MXRA5: variants seen among roughly 807,000 people sequenced by gnomAD.
The protein encoded by MXRA5 is matrix remodeling associated 5.
Under a neutral mutation model 112.5 loss-of-function variants are expected in MXRA5, and 41 were observed. That is an observed-to-expected ratio of 0.36 (90% CI 0.28 to 0.47). The LOEUF (loss-of-function observed/expected upper bound fraction) is 0.47, where lower values mean the gene tolerates loss of function less well. MXRA5 is among the 20% of genes least tolerant of loss of function. The probability of loss-of-function intolerance (pLI) is 0.99; values close to 1 mark genes in which losing one functional copy is unlikely to be tolerated. For synonymous variants in MXRA5, 862 were observed against 900.8 expected (o/e 0.96, Z 0.77); for missense variants, 2,150 against 2,251.0 (o/e 0.96, Z 0.91).
At chrX:3,346,243 G>A (rs1422980420) in intron 1 of MXRA5, among the ~76,000 whole-genome samples, 2 of 111,923 alleles carry the variant, frequency 1.8e-5, no homozygotes, top group African/African-American at 6.5e-5. Flanking sequence ...GGGAGGAAAG[G>A]AGGCATGGGA....
At position 3,323,139 on chromosome X, in the gene MXRA5, C is replaced by T; in HGVS notation, c.2546G>A (p.Gly849Asp). The change falls in exon 5 of 7, where the codon GGT becomes GAT. Residue 849 changes from glycine (G) to aspartate (D), a missense_variant. Transcript: ENST00000217939. The part of the protein sequence containing the change: ...EESSADVPLL[G>D]EEEHVLGTIS... ...GGTACCCAAAACGTGCTCTTCTTCACCAAGTAGAGGTACATCTGCTGAGGA... is the reference window on the plus strand; with the variant it reads ...GGTACCCAAAACGTGCTCTTCTTCATCAAGTAGAGGTACATCTGCTGAGGA... 1.7e-6 allele frequency: 2 copies of T among 1,211,174 alleles called. No homozygotes were observed. Among genetic ancestry groups the T allele is most frequent in the Non-Finnish European group, 2.2e-6 (2 of 895,112 alleles).
rs1049041476 is a variant in MXRA5, at chrX:3,317,329, C to T, written c.6352G>A (p.Gly2118Arg). ...YIRNLAPKDSGRYECVAANLV... is the reference protein window; with the variant it reads ...YIRNLAPKDSRRYECVAANLV... ...TTGGCGGCCACGCACTCATAGCGCC[C>T]GCTGTCCTTGGGCGCGAGGTTGCGG... The change falls in exon 6 of 7, where the codon GGG becomes AGG. Residue 2118 changes from glycine (G) to arginine (R), a missense_variant. Transcript: ENST00000217939. 8.3e-7 allele frequency: 1 copy of T among 1,207,234 alleles called. No homozygotes were observed. Among genetic ancestry groups the T allele is most frequent in the Non-Finnish European group, 1.1e-6 (1 of 893,514 alleles).
At chrX:3,332,615 A>G (rs1183158680) in intron 2 of MXRA5, among the ~76,000 whole-genome samples, 2 of 112,556 alleles carry the variant, frequency 1.8e-5, no homozygotes, top group Non-Finnish European at 3.8e-5. Context: ...CACCTTATTG[A>G]AATAATGTTG....
chrX:3,333,302 C>CAAAAAAAAAAAAAAAAAA (rs386416494), intron 2 of MXRA5, among the ~76,000 whole-genome samples: 11 of 14,812 alleles, frequency 7.4e-4, no homozygotes, highest in Non-Finnish European at 1.0e-3. Flanking sequence ...TACCCCATAT[C>CAAAAAAAAAAAAAAAAAA]AAAAAAAAAA....
In MXRA5 at chrX:3,320,300, G is replaced by A. The variant is rs1921261794; in HGVS notation, c.5385C>T (p.Thr1795=). The change falls in exon 5 of 7, where the codon ACC becomes ACT. Residue 1795 remains threonine, a synonymous_variant. Coordinates refer to ENST00000217939, the MANE Select transcript of MXRA5 (RefSeq NM_015419.4). ...GTAAGTTAGTTGAGGGTGATCCCGT[G>A]GTCTGCGGAGTGTGCAACAACGGAG... ...PAPPLLHTPQ[T]TGSPSTNLQN... is the part of the protein sequence containing the mutation. 2.5e-6 allele frequency: 3 copies of A among 1,211,636 alleles called. No individual in the cohort carries two copies. The South Asian group carries it at 5.3e-5, about 21-fold the overall frequency.
chrX:3,340,967 TATGTATAATAGATATATATTATATATC>T (rs1424881822), intron 2 of MXRA5, among the ~76,000 whole-genome samples: 1 of 83,196 alleles, frequency 1.2e-5, no homozygotes, highest in African/African-American at 4.6e-5. Flanking sequence ...AGATATATAT[TATGTATAATAGATATATATTATATATC>T]ATGTATAATA....
In MXRA5 at chrX:3,320,847, A is replaced by T; in HGVS notation, c.4838T>A (p.Ile1613Asn). 8.3e-7 allele frequency: 1 copy of T among 1,211,594 alleles called. No individual in the cohort carries two copies. The highest frequency in any genetic ancestry group is 1.1e-6 in the Non-Finnish European group (1 of 895,457). Residue 1613 changes from isoleucine to asparagine, a missense_variant, in exon 5 of 7, where the codon ATC (isoleucine) becomes AAC (asparagine). By Grantham distance (149) the Ile-to-Asn change is moderately radical (BLOSUM62 -3). Coordinates refer to ENST00000217939, the MANE Select transcript of MXRA5 (RefSeq NM_015419.4). ...HQLTRVPAKP[I>N]LPTATVRLPE... ...CAGCCTCACTGTTGCTGTTGGTAGG[A>T]TGGGTTTGGCAGGGACTCTGGTTAG...
In MXRA5 at chrX:3,309,685, G is replaced by A; in HGVS notation, c.*31C>T. On this transcript the variant is annotated 3_prime_UTR_variant, in exon 7 of 7. Coordinates refer to ENST00000217939, the MANE Select transcript of MXRA5 (RefSeq NM_015419.4). ...CCTTACAAACCCCGCTTTGTTGTCA[G>A]TTCCTAAGCAATCATTCTGGAATCC... The A allele has an allele frequency of 8.5e-7, 1 of 1,172,233 alleles. No homozygotes were observed. Among genetic ancestry groups the A allele is most frequent in the Non-Finnish European group, 1.2e-6 (1 of 866,548 alleles).
intron 1 of MXRA5, among the ~76,000 whole-genome samples, chrX:3,344,271 A>G (rs778808261): frequency 6.3e-5 from 7 of 111,890 alleles, no homozygotes; most frequent in Middle Eastern, 4.7e-3. Flanking sequence ...GCCATTATAT[A>G]TTGCATATAT....
chrX:3,341,049 A>G (rs866306052), intron 2 of MXRA5, among the ~76,000 whole-genome samples: 2 of 32,994 alleles, frequency 6.1e-5, no homozygotes, highest in Admixed American at 4.3e-4. Flanking sequence ...TATTGTGTAT[A>G]ATATATATTA....
rs777196553 is a variant in MXRA5 at position 3,320,825 on chromosome X, C to A, written c.4860G>T (p.Arg1620Ser). Residue 1620 changes from arginine (R) to serine (S), a missense_variant, in exon 5 of 7, where the codon AGG (arginine) becomes AGT (serine). By Grantham distance (110) the Arg-to-Ser change is moderately radical (BLOSUM62 -1). This residue lies in a region of MXRA5 where 1,485 missense variants were observed against 1,471.6 expected (regional missense o/e 1.01). Coordinates refer to ENST00000217939, the MANE Select transcript of MXRA5 (RefSeq NM_015419.4). ...AKPILPTATV[R>S]LPEMSTQSAS... ...CGCTTTGTGTGGACATTTCAGGCAG[C>A]CTCACTGTTGCTGTTGGTAGGATGG... is the stretch of plus-strand genomic sequence containing the variant. 2 of 1,211,776 alleles carry A rather than the reference C, an allele frequency of 1.7e-6. No homozygotes were observed. Among genetic ancestry groups the A allele is most frequent in the Non-Finnish European group, 2.2e-6 (2 of 895,556 alleles).
chrX:3,315,372 G>GATAGATGA (rs1234112267), intron 6 of MXRA5, among the ~76,000 whole-genome samples: 22 of 29,569 alleles, frequency 7.4e-4, no homozygotes, highest in Middle Eastern at 0.018. Context: ...TAGATAGATA[G>GATAGATGA]AATAGATAGA....
Position 3,339,743 on chromosome X carries a change from CAG to C in MXRA5, c.188+3901_188+3902del, listed in dbSNP as rs1272757474. Among the ~76,000 whole-genome samples, 3 of 111,706 alleles carry C rather than the reference CAG, an allele frequency of 2.7e-5. No individual in the cohort carries two copies. The Admixed American group carries it at 2.9e-4, about 11-fold the overall frequency. On this transcript the variant is annotated intron_variant, in intron 2 of 6. Coordinates refer to ENST00000217939, the MANE Select transcript of MXRA5 (RefSeq NM_015419.4). ...CTTCTTGCATCCTTCTAAAAATCAG[CAG>C]AGTCTGGGAAATTAGCACGACACTC... is the stretch of plus-strand genomic sequence containing the variant.
intron 6 of MXRA5, among the ~76,000 whole-genome samples, chrX:3,313,159 C>T (rs1451299844): frequency 8.9e-6 from 1 of 112,624 alleles, no homozygotes; most frequent in Non-Finnish European, 1.9e-5. Context: ...ACAGTGACCC[C>T]TAGCCCAGTT....
At chrX:3,313,775 A>C (rs904601237) in intron 6 of MXRA5, among the ~76,000 whole-genome samples, 4 of 112,337 alleles carry the variant, frequency 3.6e-5, no homozygotes, top group African/African-American at 1.3e-4. Context: ...TTATCCATTC[A>C]AAATTGCCTC....
At position 3,339,636 on chromosome X, in the gene MXRA5, T is replaced by A. The variant is rs962194862; in HGVS notation, c.188+4010A>T. On this transcript the variant is annotated intron_variant, in intron 2 of 6. Transcript: ENST00000217939. The stretch of plus-strand genomic sequence containing the variant: ...ATGCCAAGGGTGCCAGATGTGAGAA[T>A]GGGGCGGATATTCTGGAACATACAG... 1.4e-4 allele frequency among the ~76,000 whole-genome samples: 16 copies of A among 111,418 alleles called. No homozygotes were observed. In the Admixed American group the frequency reaches 1.4e-3, roughly 10 times the overall value.
chrX:3,334,528 G>A (rs1238213582), intron 2 of MXRA5, among the ~76,000 whole-genome samples: 1 of 111,231 alleles, frequency 9.0e-6, no homozygotes, highest in East Asian at 2.8e-4. Context: ...AGATCAAAGG[G>A]AAAGTCACAG....
At position 3,324,609 on chromosome X, in the gene MXRA5, G is replaced by A. The variant is rs757956350; in HGVS notation, c.1076C>T (p.Ala359Val). ...ACACTCAAAGTCCAAGGCAACTGTT[G>A]CATTTATGTCAATATCTGGAGGATC... ...QTDPPDIDIN[A>V]TVALDFECPM... The change falls in exon 5 of 7, where the codon GCA (alanine) becomes GTA (valine). Residue 359 changes from alanine (A) to valine (V), a missense_variant. By Grantham distance (64) the Ala-to-Val change is moderately conservative. Around this residue, in one of 6 missense-constraint regions of MXRA5, gnomAD observed 386 missense variants for 411.0 expected, o/e 0.94. Transcript: ENST00000217939. The A allele has an allele frequency of 4.1e-6, 5 of 1,211,059 alleles. No homozygotes were observed. Among genetic ancestry groups the A allele is most frequent in the Non-Finnish European group, 5.6e-6 (5 of 895,076 alleles).
intron 4 of MXRA5, 27 bp downstream of exon 4, chrX:3,329,991 G>C: frequency 8.4e-7 from 1 of 1,191,069 alleles, no homozygotes; most frequent in Non-Finnish European, 1.1e-6. Flanking sequence ...GTGCAGCTAG[G>C]AGTGGTCTGC....
Sources: gnomAD v4.1 joint callset for allele counts (sites outside exome capture counted in the v4.1 genomes callset) on GRCh38, gnomAD v4.1.1 for gene constraint, gnomAD v4.1.1 regional missense constraint, MANE v1.5 for transcripts, NCBI Gene and HGNC (gene_info 2026-07-23, HGNC 2026-07-21) for gene names.